Variants in TAL1 observed in about 807,000 individuals in gnomAD.
TAL1 encodes the protein TAL bHLH transcription factor 1, erythroid differentiation factor.
TAL1 carries 8 observed loss-of-function variants against 17.9 expected under a neutral mutation model. The ratio of observed to expected loss-of-function variants is 0.45; its 90% CI spans 0.26 to 0.81. TAL1 has a LOEUF of 0.81. TAL1 is among the 30% of genes least tolerant of loss of function. The pLI, the probability that TAL1 is intolerant of heterozygous loss-of-function variation, is 0.17. For synonymous variants in TAL1, 223 were observed against 218.6 expected (o/e 1.02, Z -0.18); for missense variants, 466 against 486.9 (o/e 0.96, Z 0.40).
exon 2 of TAL1, chr1:47,225,763 G>A (rs1307699905): frequency 6.5e-7 from 1 of 1,549,612 alleles, no homozygotes; most frequent in Non-Finnish European, 8.6e-7. Flanking sequence ...CGGCCGCGCG[G>A]CTCGTCTCCT....
upstream of TAL1, chr1:47,231,078 A>C (rs1569939380): frequency 6.3e-6 from 1 of 159,472 alleles, no homozygotes; most frequent in Non-Finnish European, 1.4e-5. Context: ...TGCAGCGGGA[A>C]CCGAAGCCCG....
At chr1:47,221,231 G>A (rs146578991) in intron 3 of TAL1, among the ~76,000 whole-genome samples, 2 of 152,196 alleles carry the variant, frequency 1.3e-5, no homozygotes, top group African/African-American at 4.8e-5. Context: ...AGCAGAGATC[G>A]ATGCAGAAGG....
At chr1:47,220,908 G>A (rs1643783719) in intron 3 of TAL1, among the ~76,000 whole-genome samples, 1 of 152,240 alleles carries the variant, frequency 6.6e-6, no homozygotes, top group South Asian at 2.1e-4. Context: ...GTAATGAAAA[G>A]AAGCTCCATG....
upstream of TAL1, chr1:47,231,042 C>G (rs1477796687): frequency 6.5e-6 from 1 of 154,944 alleles, no homozygotes; most frequent in African/African-American, 2.4e-5. Context: ...ACCCACGAAA[C>G]TGACCAGAAA....
rs189020191 is a variant in TAL1 at position 47,217,287 on chromosome 1, C to T, written c.*2433G>A. 9.8e-5 allele frequency: 37 copies of T among 379,028 alleles called. No individual in the cohort carries two copies. In the East Asian group the frequency reaches 1.3e-3, roughly 14 times the overall value. 23.5% of individuals were successfully genotyped at this position (379,028 alleles called of 1,614,324 possible). A position where few individuals can be genotyped will look rare whatever the true frequency, so the allele number is the denominator to read the frequency against. On this transcript the variant is annotated 3_prime_UTR_variant, in exon 4 of 4. Transcript: ENST00000294339. ...CCTGTGGTCCTCCCTACTCGGGAGG[C>T]TGAGGTGAGAGGATTGCTTGAGCCC...
chr1:47,222,944 G>A (rs1421461218), intron 3 of TAL1, among the ~76,000 whole-genome samples: 1 of 152,104 alleles, frequency 6.6e-6, no homozygotes, highest in Non-Finnish European at 1.5e-5. Context: ...TCTTAGACTA[G>A]AGAACTCCTC....
At position 47,220,480 on chromosome 1, in the gene TAL1, A is replaced by T. The variant is rs373162770; in HGVS notation, c.542-306T>A. Among the ~76,000 whole-genome samples the T allele has an allele frequency of 7.2e-5, 11 of 152,212 alleles. No homozygotes were observed. In the South Asian group the frequency reaches 2.1e-3, roughly 29 times the overall value. On this transcript the variant is annotated intron_variant, in intron 3 of 3. Transcript: ENST00000294339. The stretch of plus-strand genomic sequence containing the variant: ...TGATATATTTGAGGACAGGGACCGT[A>T]TGTTATTCATTCATCCATTCACTTG...
chr1:47,222,110 T>A (rs558726740), intron 3 of TAL1, among the ~76,000 whole-genome samples: 1 of 152,302 alleles, frequency 6.6e-6, no homozygotes, highest in Admixed American at 6.5e-5. Context: ...ACAGAGAGCA[T>A]CCCTCAGCAG....
chr1:47,219,725 G>T, exon 4 of TAL1: 1 of 1,609,300 alleles, frequency 6.2e-7, no homozygotes, highest in South Asian at 1.1e-5. Context: ...ACCCATCACC[G>T]AGGGCCGGCT....
exon 4 of TAL1, chr1:47,217,523 C>T (rs1645520859): frequency 3.5e-5 from 14 of 398,416 alleles, no homozygotes; most frequent in South Asian, 2.6e-4. Flanking sequence ...CTGCCTAGGT[C>T]GTGGACTCAG....
intron 1 of TAL1, chr1:47,228,333 G>A (rs1643944360): frequency 5.6e-6 from 1 of 180,002 alleles, no homozygotes; most frequent in Non-Finnish European, 1.2e-5. Flanking sequence ...TTGGATTACA[G>A]AAAGGAACGC....
chr1:47,220,288 A>C (rs2148586060), intron 3 of TAL1, 114 bp from the exon 5 acceptor site: 1 of 1,377,394 alleles, frequency 7.3e-7, no homozygotes, highest in East Asian at 2.6e-5. Context: ...CCTTTTACTT[A>C]GAAAACATCC....
chr1:47,221,247 C>T lies in TAL1; in HGVS notation c.542-1073G>A, dbSNP rs1248237476. Among the ~76,000 whole-genome samples the T allele has an allele frequency of 2.6e-5, 4 of 152,174 alleles. No homozygotes were observed. In the East Asian group the frequency reaches 7.7e-4, roughly 29 times the overall value. ...GCAGAGATCGATGCAGAAGGGCTCT[C>T]ATACCCAGGAGAGAAGTGAAGACAC... is the stretch of plus-strand genomic sequence containing the variant. On this transcript the variant is annotated intron_variant, in intron 3 of 3. Transcript: ENST00000294339.
intron 1 of TAL1, among the ~76,000 whole-genome samples, chr1:47,226,667 A>G (rs1643917348): frequency 1.3e-5 from 2 of 152,194 alleles, no homozygotes; most frequent in African/African-American, 4.8e-5. Flanking sequence ...CGCCAAGGGA[A>G]GAAGATGGTG....
exon 2 of TAL1, chr1:47,225,734 A>T: frequency 2.0e-6 from 3 of 1,524,076 alleles, no homozygotes; most frequent in South Asian, 1.2e-5. Flanking sequence ...GCCCAGTTCG[A>T]TGACTGGGGG....
exon 4 of TAL1, chr1:47,217,625 C>T (rs1645523250): frequency 5.0e-6 from 2 of 398,616 alleles, no homozygotes; most frequent in Non-Finnish European, 8.8e-6. Context: ...CCCATTCAGT[C>T]CACACCATAG....
upstream of TAL1, chr1:47,232,028 C>G (rs1472841873): frequency 4.3e-6 from 1 of 232,090 alleles, no homozygotes; most frequent in African/African-American, 2.2e-5. Context: ...CACCGCCCCC[C>G]CCGGCCATCG....
chr1:47,230,905 C>T (rs1404011310), upstream of TAL1: 6 of 152,210 alleles, frequency 3.9e-5, no homozygotes, highest in South Asian at 2.1e-4. Flanking sequence ...GGCAACGTCG[C>T]TCACCCGAAG....
chr1:47,226,269 CT>C (rs1643909246), intron 1 of TAL1: 1 of 210,814 alleles, frequency 4.7e-6, no homozygotes, highest in African/African-American at 2.3e-5. Flanking sequence ...ACTCTGTCCC[CT>C]TTCTCAGGCC....
Sources: gnomAD v4.1 joint callset for allele counts (sites outside exome capture counted in the v4.1 genomes callset) on GRCh38, gnomAD v4.1.1 for gene constraint, MANE v1.5 for transcripts, NCBI Gene and HGNC (gene_info 2026-07-23, HGNC 2026-07-21) for gene names.